The following NSD2 variants were observed in gnomAD, a reference collection of about 807,000 sequenced individuals.
NSD2 encodes nuclear receptor binding SET domain protein 2, also known as histone-lysine N-methyltransferase NSD2.
A neutral mutation model predicts 139.0 loss-of-function variants in NSD2; 12 were observed. The observed-to-expected ratio is 0.09, with a 90% CI of 0.06 to 0.14. The LOEUF (loss-of-function observed/expected upper bound fraction) is 0.14. Ranked by LOEUF, NSD2 falls within the 10% of genes least tolerant of loss-of-function variation. NSD2 has a pLI of 1.00. For synonymous variants in NSD2, 669 were observed against 648.7 expected (o/e 1.03, Z -0.48); for missense variants, 1,155 against 1,745.0 (o/e 0.66, Z 6.02).
chr4:1,973,926 T>A lies in NSD2; in HGVS notation c.3373-937T>A, dbSNP rs141228128. ...CATTCCCTGCTGCTGGGTGGAGATG[T>A]TGTCTCCAGTTCCTGCCTTTGGCCT... On this transcript the variant is annotated intron_variant, in intron 18 of 21. Coordinates refer to ENST00000508803, the MANE Select transcript of NSD2 (RefSeq NM_001042424.3). This position sits in a 1 kb window ranked among gnomAD's most constrained non-coding sequence, Gnocchi z 5.5. Among the ~76,000 whole-genome samples the A allele has an allele frequency of 4.7e-3, 720 of 151,820 alleles. 4 individuals carry two copies. The highest frequency in any genetic ancestry group is 0.016 in the African/African-American group (674 of 41,546).
chr4:1,903,190 G>A (rs1277751747), intron 2 of NSD2, among the ~76,000 whole-genome samples: 2 of 152,304 alleles, frequency 1.3e-5, no homozygotes, highest in African/African-American at 2.4e-5. Flanking sequence ...TGAGAAAACT[G>A]AGGCCTGAGG....
At chr4:1,903,932 CA>C (rs942848299) in intron 2 of NSD2, among the ~76,000 whole-genome samples, 7 of 152,130 alleles carry the variant, frequency 4.6e-5, no homozygotes, top group Admixed American at 1.3e-4. Context: ...GACAGGGTTT[CA>C]TTGTGTTAGC....
chr4:1,894,674 T>TAA (rs61535099), intron 1 of NSD2, among the ~76,000 whole-genome samples: 42 of 104,020 alleles, frequency 4.0e-4, no homozygotes, highest in Admixed American at 1.8e-3. Context: ...CCTGTCTCAA[T>TAA]AAAAAAAAAA....
chr4:1,968,634 T>TA (rs922344274), intron 18 of NSD2, among the ~76,000 whole-genome samples: 20 of 151,408 alleles, frequency 1.3e-4, no homozygotes, highest in Middle Eastern at 3.4e-3. Context: ...AAGCACAGAT[T>TA]AAAAAAAAAT....
chr4:1,951,100 C>T lies in NSD2; in HGVS notation c.1910C>T (p.Ser637Leu), dbSNP rs201252361. ...EVSDSPGDEP[S>L]ESPYESADET... is the part of the protein sequence containing the mutation. ...TCGGACAGCCCGGGAGACGAGCCCT[C>T]GGAGTCCCCATACGAAAGTGCAGAC... Residue 637 changes from serine (S) to leucine (L), a missense_variant, in exon 10 of 22, where the codon TCG becomes TTG. Ser to Leu is a moderately radical substitution (Grantham distance 145, BLOSUM62 -2). Transcript: ENST00000508803. 129 of 1,614,064 alleles carry T rather than the reference C, an allele frequency of 8.0e-5. No individual in the cohort carries two copies. Among genetic ancestry groups the T allele is most frequent in the East Asian group, 2.5e-4 (11 of 44,894 alleles).
chr4:1,898,561 G>A (rs1031217453), intron 1 of NSD2, among the ~76,000 whole-genome samples: 10 of 151,838 alleles, frequency 6.6e-5, no homozygotes, highest in Non-Finnish European at 1.0e-4. Flanking sequence ...CTACTCAGGA[G>A]GGTGAGGCAG....
chr4:1,923,316 CA>C (rs34772768), intron 5 of NSD2, among the ~76,000 whole-genome samples: 4,699 of 62,266 alleles, frequency 0.075, 151 homozygotes, highest in African/African-American at 0.2. Flanking sequence ...GACCCTGGCT[CA>C]AAAAAAAAAA....
intron 9 of NSD2, chr4:1,945,662 G>A (rs965935932): frequency 5.6e-6 from 6 of 1,063,674 alleles, no homozygotes; most frequent in Admixed American, 1.1e-4. Context: ...GCCAGTATAA[G>A]CATTTCCAAA....
chr4:1,971,626 C>G (rs76475197), intron 18 of NSD2, among the ~76,000 whole-genome samples: 1,826 of 152,222 alleles, frequency 0.012, 38 homozygotes, highest in African/African-American at 0.042. Flanking sequence ...GCGTGAGGTC[C>G]GAGCCAGGGC....
Position 1,918,458 on chromosome 4 carries a change from C to T in NSD2, c.1245C>T (p.His415=), listed in dbSNP as rs771786838. The T allele has an allele frequency of 2.5e-5, 40 of 1,613,896 alleles. No individual in the cohort carries two copies. Among genetic ancestry groups the T allele is most frequent in the Non-Finnish European group, 3.3e-5 (39 of 1,180,010 alleles). The stretch of plus-strand genomic sequence containing the variant: ...GCTCTGCAGAGACCCTGGAGAGTCA[C>T]CCCGACATAGGGAAGAGTACTCCTC... ...LCSSAETLES[H]PDIGKSTPQK... Residue 415 remains histidine (H), a synonymous_variant, in exon 5 of 22, where the codon CAC becomes CAT. Coordinates refer to ENST00000508803, the MANE Select transcript of NSD2 (RefSeq NM_001042424.3).
At chr4:1,875,687 G>A (rs1248462405) in intron 1 of NSD2, among the ~76,000 whole-genome samples, 1 of 151,796 alleles carries the variant, frequency 6.6e-6, no homozygotes, top group African/African-American at 2.4e-5. Flanking sequence ...TGGATCACGA[G>A]GTCAGGAGGT....
At chr4:1,892,518 T>C (rs1448804017) in intron 1 of NSD2, among the ~76,000 whole-genome samples, 7 of 152,212 alleles carry the variant, frequency 4.6e-5, no homozygotes, top group Non-Finnish European at 1.0e-4. Context: ...AGCAATGTGA[T>C]GCTTAACTCT....
rs946074702 is a variant in NSD2 at position 1,980,132 on chromosome 4, C to T, written c.*1223C>T. ...GCCTGCCTGGCAGGTGTGCGTGCCTCGTACGTGTGTTATGGGCACTGGTCT... is the reference window on the plus strand; with the variant it reads ...GCCTGCCTGGCAGGTGTGCGTGCCTTGTACGTGTGTTATGGGCACTGGTCT... On this transcript the variant is annotated 3_prime_UTR_variant, in exon 22 of 22. Transcript: ENST00000508803. 1.3e-5 allele frequency: 3 copies of T among 233,302 alleles called. No homozygotes were observed. The highest frequency in any genetic ancestry group is 2.5e-5 in the Non-Finnish European group (3 of 118,142). 14.5% of individuals were successfully genotyped at this position (233,302 alleles called of 1,614,324 possible). A position where few individuals can be genotyped will look rare whatever the true frequency, so the allele number is the denominator to read the frequency against.
chr4:1,975,325 TTGTC>T lies in NSD2; in HGVS notation c.3549_3552del (p.Cys1183TrpfsTer145). 1 of 1,614,188 alleles carries T rather than the reference TTGTC, an allele frequency of 6.2e-7. No individual in the cohort carries two copies. The highest frequency in any genetic ancestry group is 8.5e-7 in the Non-Finnish European group (1 of 1,180,042). ...AGCTGACTTTTAACTACAACCTCGA[TTGTC>T]TGGGCAATGAAAAAACGGTCTGCCG... On this transcript the variant is annotated frameshift_variant, in exon 20 of 22. Coordinates refer to ENST00000508803, the MANE Select transcript of NSD2 (RefSeq NM_001042424.3). LOFTEE classifies it high-confidence loss of function.
rs746561982 is a variant in NSD2, at chr4:1,918,121, GTC to G, written c.928-16_928-15del. On this transcript the variant is annotated intron_variant, in intron 4 of 21. Transcript: ENST00000508803. The stretch of plus-strand genomic sequence containing the variant: ...ATGTTTGTGTAGTGAAACTTACAGT[GTC>G]TCTTTTTTTTTTCCCAGCTATTGAA... The G allele has an allele frequency of 4.0e-5, 64 of 1,598,624 alleles. No individual in the cohort carries two copies. The African/African-American group carries it at 8.3e-4, about 21-fold the overall frequency.
At chr4:1,941,704 A>G (rs1000745195) in intron 9 of NSD2, 65 of 1,046,510 alleles carry the variant, frequency 6.2e-5, no homozygotes, top group Non-Finnish European at 7.1e-5. Flanking sequence ...AAACGTTTAA[A>G]TTACTGGGTC....
rs1301045158 is a variant in NSD2, at chr4:1,974,705, G to T, written c.3373-158G>T. ...CTCTGTGAGCAAGAGAAACAGGACT[G>T]GTTTGGGGGTGTCCTGTCTCAGTGG... On this transcript the variant is annotated intron_variant, in intron 18 of 21. Transcript: ENST00000508803. The surrounding 1 kb of genome is among the most constrained non-coding windows in gnomAD (Gnocchi z 4.0). 1 of 1,025,244 alleles carries T rather than the reference G, an allele frequency of 9.8e-7. No individual in the cohort carries two copies. Among genetic ancestry groups the T allele is most frequent in the Admixed American group, 1.7e-5 (1 of 59,024 alleles). The allele number at this position is 1,025,244 out of a possible 1,614,324, so 63.5% of individuals were successfully genotyped here. A position where few individuals can be genotyped will look rare whatever the true frequency, so the allele number is the denominator to read the frequency against.
chr4:1,878,298 A>C (rs952472124), intron 1 of NSD2, among the ~76,000 whole-genome samples: 2 of 108,298 alleles, frequency 1.8e-5, no homozygotes, highest in African/African-American at 7.4e-5. Flanking sequence ...TTTTTAGTAG[A>C]GACTAGGCCA....
In NSD2 at chr4:1,928,950, G is replaced by A. The variant is rs145327085; in HGVS notation, c.1411-1676G>A. ...AGGGTAGGGCCTGCTGGGTTGGGAGGGGTGTGGCAGGAGTAGGCATATGCA... is the reference window on the plus strand; with the variant it reads ...AGGGTAGGGCCTGCTGGGTTGGGAGAGGTGTGGCAGGAGTAGGCATATGCA... On this transcript the variant is annotated intron_variant, in intron 5 of 21. Coordinates refer to ENST00000508803, the MANE Select transcript of NSD2 (RefSeq NM_001042424.3). Among the ~76,000 whole-genome samples the A allele has an allele frequency of 6.8e-4, 104 of 152,218 alleles. No individual in the cohort carries two copies. In the East Asian group the frequency reaches 0.019, roughly 28 times the overall value.
Sources: allele counts gnomAD v4.1 joint callset (sites outside exome capture counted in the v4.1 genomes callset), GRCh38; gene constraint gnomAD v4.1.1; non-coding constraint Gnocchi (gnomAD v3.1); transcripts MANE v1.5; gene names NCBI Gene and HGNC (gene_info 2026-07-23, HGNC 2026-07-21).